SLC44A5: variants seen among roughly 807,000 people sequenced by gnomAD.
The protein encoded by SLC44A5 is choline transporter-like protein 5.
SLC44A5 carries 57 observed loss-of-function variants against 101.8 expected under a neutral mutation model. That is an observed-to-expected ratio of 0.56 (90% confidence interval 0.45 to 0.70). The LOEUF (loss-of-function observed/expected upper bound fraction) is 0.70. SLC44A5 is among the 30% of genes least tolerant of loss of function. The pLI is 0.00. For missense variants in SLC44A5, 737 were observed against 853.1 expected, an observed-to-expected ratio of 0.86 and a Z score of 1.70; for synonymous variants, 281 against 290.9, an observed-to-expected ratio of 0.97 and a Z score of 0.35.
At chr1:75,206,526 C>T (rs1310821308) in intron 23 of SLC44A5, 1 of 971,146 alleles carries the variant, frequency 1.0e-6, no homozygotes, top group African/African-American at 1.6e-5. Context: ...TCACATTACT[C>T]AAAAGCAACA....
chr1:75,311,406 C>T (rs778193693), intron 4 of SLC44A5, among the ~76,000 whole-genome samples: 11 of 152,228 alleles, frequency 7.2e-5, no homozygotes, highest in Admixed American at 1.3e-4. Context: ...CGTGAGCCAC[C>T]GCATCCAGCC....
intron 2 of SLC44A5, among the ~76,000 whole-genome samples, chr1:75,479,590 A>G (rs1667690162): frequency 6.6e-6 from 1 of 152,260 alleles, no homozygotes; most frequent in African/African-American, 2.4e-5. Context: ...TCCCACAGAA[A>G]TACAAACTAC....
the SLC44A5 span, among the ~76,000 whole-genome samples, chr1:75,684,547 G>T: frequency 6.6e-6 from 1 of 152,104 alleles, no homozygotes; most frequent in African/African-American, 2.4e-5. Context: ...TCAAAGTGGA[G>T]AAATTGGCCA....
At chr1:75,628,183 G>C in the SLC44A5 span, among the ~76,000 whole-genome samples, 1 of 151,966 alleles carries the variant, frequency 6.6e-6, no homozygotes, top group South Asian at 2.1e-4. Context: ...GGATATGAAA[G>C]AAGTTTCCCT....
intron 5 of SLC44A5, among the ~76,000 whole-genome samples, chr1:75,279,629 T>A (rs905358639): frequency 1.3e-5 from 2 of 152,146 alleles, no homozygotes; most frequent in Non-Finnish European, 2.9e-5. Context: ...ACCTTTTTTT[T>A]GTTCTTCAGA....
In SLC44A5 at chr1:75,356,117, G is replaced by C. The variant is rs569430050; in HGVS notation, c.53-16487C>G. Among the ~76,000 whole-genome samples, 6 of 149,160 alleles carry C rather than the reference G, an allele frequency of 4.0e-5. No homozygotes were observed. The East Asian group carries it at 1.2e-3, about 30-fold the overall frequency. On this transcript the variant is annotated intron_variant, in intron 3 of 23. Coordinates refer to ENST00000370859, the MANE Select transcript of SLC44A5 (RefSeq NM_001130058.2). ...AACCCCAGCTACTCAGGAGGCTGAG[G>C]CATGAGAATTGCTTGAACTCAGGAG...
At chr1:75,642,876 GA>G in the SLC44A5 span, among the ~76,000 whole-genome samples, 18 of 152,166 alleles carry the variant, frequency 1.2e-4, no homozygotes, top group South Asian at 3.7e-3. Flanking sequence ...GGTAAATACA[GA>G]AAAAATTGTA....
At chr1:75,613,998 A>T (rs1399637238), upstream of SLC44A5, among the ~76,000 whole-genome samples, 4 of 152,036 alleles carry the variant, frequency 2.6e-5, no homozygotes, top group African/African-American at 4.8e-5. Context: ...AAACTGTAAA[A>T]TTTTTTCCAC....
chr1:75,659,796 C>T, the SLC44A5 span, among the ~76,000 whole-genome samples: 97,964 of 151,768 alleles, frequency 0.65, 33,318 homozygotes, highest in African/African-American at 0.8. Context: ...CCAATAATTC[C>T]GATGAACATA....
At chr1:75,641,989 C>A in the SLC44A5 span, 1 of 1,522,756 alleles carries the variant, frequency 6.6e-7, no homozygotes, top group Non-Finnish European at 9.1e-7. Flanking sequence ...CATCTTCCTC[C>A]TCATCATCTT....
intron 5 of SLC44A5, among the ~76,000 whole-genome samples, chr1:75,295,626 T>C (rs758502646): frequency 2.5e-4 from 38 of 152,228 alleles, no homozygotes; most frequent in Non-Finnish European, 4.4e-4. Context: ...GCAGCCATTC[T>C]GACCCTTGTC....
intron 2 of SLC44A5, among the ~76,000 whole-genome samples, chr1:75,459,548 AATT>A (rs1666380836): frequency 6.6e-6 from 1 of 152,166 alleles, no homozygotes; most frequent in South Asian, 2.1e-4. Context: ...AAGGTATGGT[AATT>A]ATTATCACCC....
At chr1:75,335,677 C>T (rs1393395291) in intron 4 of SLC44A5, among the ~76,000 whole-genome samples, 2 of 152,176 alleles carry the variant, frequency 1.3e-5, no homozygotes, top group East Asian at 1.9e-4. Flanking sequence ...TATCATCAAG[C>T]CTTGCTGGAC....
chr1:75,369,511 T>C (rs1339373541), intron 3 of SLC44A5, among the ~76,000 whole-genome samples: 3 of 152,160 alleles, frequency 2.0e-5, no homozygotes, highest in Non-Finnish European at 4.4e-5. Context: ...ATGATAGCCG[T>C]GATTCATGAG....
chr1:75,504,617 T>TA (rs1362516176), intron 2 of SLC44A5, among the ~76,000 whole-genome samples: 1 of 152,086 alleles, frequency 6.6e-6, no homozygotes, highest in Non-Finnish European at 1.5e-5. Flanking sequence ...TTGTTTCTAC[T>TA]AAAAAATATA....
intron 2 of SLC44A5, among the ~76,000 whole-genome samples, chr1:75,497,387 A>G (rs1316524313): frequency 2.0e-5 from 3 of 152,186 alleles, no homozygotes; most frequent in Admixed American, 2.0e-4. Context: ...TCAGACACAC[A>G]AAGAAAGTTA....
chr1:75,213,089 T>C (rs1646890456), intron 22 of SLC44A5, among the ~76,000 whole-genome samples: 1 of 152,150 alleles, frequency 6.6e-6, no homozygotes, highest in South Asian at 2.1e-4. Flanking sequence ...GCCTCAGCTG[T>C]AACTTCGGCA....
At chr1:75,680,573 G>C in the SLC44A5 span, among the ~76,000 whole-genome samples, 1 of 151,302 alleles carries the variant, frequency 6.6e-6, no homozygotes. Context: ...CGAAAACAAA[G>C]ACACAACATA....
intron 2 of SLC44A5, among the ~76,000 whole-genome samples, chr1:75,508,284 A>G (rs899696226): frequency 2.6e-5 from 4 of 152,200 alleles, no homozygotes; most frequent in African/African-American, 9.6e-5. Context: ...GGCAGAAACA[A>G]CAAAAATTCT....
Sources: gnomAD v4.1 joint callset for allele counts (sites outside exome capture counted in the v4.1 genomes callset) on GRCh38, gnomAD v4.1.1 for gene constraint, MANE v1.5 for transcripts, NCBI Gene and HGNC (gene_info 2026-07-23, HGNC 2026-07-21) for gene names.